Variants in MGST1 observed in about 807,000 individuals in gnomAD.
MGST1 encodes the protein microsomal glutathione S-transferase 1, also known as glutathione S-transferase 12.
A neutral mutation model predicts 8.9 loss-of-function variants in MGST1; 5 were observed. That is an observed-to-expected ratio of 0.56 (90% CI 0.29 to 1.19). The LOEUF is 1.19. MGST1 is among the 50% of genes most tolerant of loss of function. MGST1 has a pLI of 0.08. For synonymous variants in MGST1, 54 were observed against 67.8 expected, an observed-to-expected ratio of 0.80 and a Z score of 1.00; for missense variants, 182 against 187.4, an observed-to-expected ratio of 0.97 and a Z score of 0.17.
At chr12:16,556,391 C>T (rs556230645) in intron 4 of MGST1, among the ~76,000 whole-genome samples, 38 of 152,242 alleles carry the variant, frequency 2.5e-4, no homozygotes, top group African/African-American at 8.4e-4. Flanking sequence ...TTTAGCTATA[C>T]GCCTCTAAAA....
intron 1 of MGST1, among the ~76,000 whole-genome samples, chr12:16,408,161 G>A (rs1339092946): frequency 2.6e-5 from 4 of 151,718 alleles, no homozygotes; most frequent in African/African-American, 4.8e-5. Context: ...GCTAAATGAT[G>A]AGGATGCATG....
At chr12:16,470,795 CAAAT>C (rs910751306) in intron 4 of MGST1, among the ~76,000 whole-genome samples, 73 of 152,066 alleles carry the variant, frequency 4.8e-4, no homozygotes, top group African/African-American at 1.7e-3. Context: ...ATAATAAACT[CAAAT>C]AAAAAATAAG....
In MGST1 at chr12:16,482,562, T is replaced by G. The variant is rs1591741722; in HGVS notation, n.482+98958T>G. On this transcript the variant is annotated intron_variant and non_coding_transcript_variant, in intron 4 of 4. Transcript: ENST00000538857. The surrounding 1 kb of genome is among the most constrained non-coding windows in gnomAD (Gnocchi z 4.2). ...AGGAGAATTGCTTGAAACTGGGAGG[T>G]GGAGATTGCAGTGAGCCAAGATCAC... Among the ~76,000 whole-genome samples the G allele has an allele frequency of 6.8e-6, 1 of 146,538 alleles. No homozygotes were observed.
chr12:16,557,056 C>T (rs1250723841), intron 4 of MGST1, among the ~76,000 whole-genome samples: 1 of 152,096 alleles, frequency 6.6e-6, no homozygotes. Flanking sequence ...AGGAGACAGA[C>T]TTAATTGTGA....
intron 3 of MGST1, among the ~76,000 whole-genome samples, chr12:16,372,318 C>G (rs1375569067): frequency 6.6e-6 from 1 of 151,922 alleles, no homozygotes; most frequent in Non-Finnish European, 1.5e-5. Context: ...ATAAGAAGCT[C>G]AAATAACTCA....
chr12:16,590,389 T>G (rs1943453519), downstream of MGST1, among the ~76,000 whole-genome samples: 1 of 152,072 alleles, frequency 6.6e-6, no homozygotes, highest in Non-Finnish European at 1.5e-5. Flanking sequence ...CTTCTCTAAG[T>G]GCTGGATTTA....
intron 1 of MGST1, among the ~76,000 whole-genome samples, chr12:16,349,694 G>C (rs1341139465): frequency 6.6e-6 from 1 of 151,432 alleles, no homozygotes; most frequent in East Asian, 1.9e-4. Context: ...GCCAAAGTCG[G>C]AAGTTTTTTA....
downstream of MGST1, among the ~76,000 whole-genome samples, chr12:16,443,198 C>T (rs1003120783): frequency 2.0e-5 from 3 of 151,626 alleles, no homozygotes; most frequent in African/African-American, 4.8e-5. Context: ...TAAGTATTTA[C>T]TTGGAATGAT....
intron 1 of MGST1, among the ~76,000 whole-genome samples, chr12:16,409,671 T>C (rs1193669825): frequency 6.6e-6 from 1 of 152,130 alleles, no homozygotes; most frequent in African/African-American, 2.4e-5. Flanking sequence ...CAGAACAATA[T>C]CCTGTTGCTT....
At chr12:16,481,866 A>G (rs1335427245) in intron 4 of MGST1, among the ~76,000 whole-genome samples, 1 of 152,200 alleles carries the variant, frequency 6.6e-6, no homozygotes, top group Non-Finnish European at 1.5e-5. Flanking sequence ...AGAATTGAAG[A>G]AAGTCCTCAA....
In MGST1 at chr12:16,547,307, A is replaced by G. The variant is rs1033008528; in HGVS notation, n.483-42221A>G. On this transcript the variant is annotated intron_variant and non_coding_transcript_variant, in intron 4 of 4. Coordinates refer to the MGST1 transcript ENST00000538857. The surrounding 1 kb of genome is among the most constrained non-coding windows in gnomAD (Gnocchi z 4.6). The stretch of plus-strand genomic sequence containing the variant: ...ATAACCGCTATTTCAACAGAGCTCT[A>G]TTGTAATCATAGCAATCTGAGGGTG... 6.6e-6 allele frequency among the ~76,000 whole-genome samples: 1 copy of G among 152,304 alleles called. No individual in the cohort carries two copies. The highest frequency in any genetic ancestry group is 6.5e-5 in the Admixed American group (1 of 15,288).
At chr12:16,563,074 C>A (rs912828606) in intron 4 of MGST1, among the ~76,000 whole-genome samples, 4 of 152,292 alleles carry the variant, frequency 2.6e-5, no homozygotes, top group South Asian at 2.1e-4. Context: ...TCGCTGGAGG[C>A]TCCATCAGTT....
At chr12:16,445,476 C>G (rs917086010) in intron 4 of MGST1, among the ~76,000 whole-genome samples, 2 of 151,928 alleles carry the variant, frequency 1.3e-5, no homozygotes, top group Non-Finnish European at 2.9e-5. Context: ...GTCATTAATG[C>G]AACTGATCAA....
intron 4 of MGST1, among the ~76,000 whole-genome samples, chr12:16,460,168 T>C (rs927813852): frequency 3.9e-5 from 6 of 152,164 alleles, no homozygotes; most frequent in Non-Finnish European, 8.8e-5. Flanking sequence ...TATTAGAGTG[T>C]CATATGTCTG....
chr12:16,379,073 T>G (rs1051029746), downstream of MGST1, among the ~76,000 whole-genome samples: 6 of 152,126 alleles, frequency 3.9e-5, no homozygotes, highest in Admixed American at 6.5e-5. Flanking sequence ...TTTCTAGATA[T>G]ACAATCATGT....
intron 4 of MGST1, among the ~76,000 whole-genome samples, chr12:16,569,702 G>A (rs967562543): frequency 6.6e-6 from 1 of 152,062 alleles, no homozygotes; most frequent in Non-Finnish European, 1.5e-5. Flanking sequence ...TTTGTTGCTA[G>A]AATAAAAGAA....
At chr12:16,423,368 T>C (rs1178881082) in intron 1 of MGST1, among the ~76,000 whole-genome samples, 1 of 152,192 alleles carries the variant, frequency 6.6e-6, no homozygotes, top group African/African-American at 2.4e-5. Context: ...TCACAGCAAG[T>C]ATTTGATTTT....
intron 4 of MGST1, among the ~76,000 whole-genome samples, chr12:16,473,914 C>A (rs1941304234): frequency 6.6e-6 from 1 of 152,108 alleles, no homozygotes; most frequent in Non-Finnish European, 1.5e-5. Flanking sequence ...TTAAAAAAGT[C>A]TAATCACTGA....
chr12:16,495,133 T>A (rs1429169476), intron 4 of MGST1, among the ~76,000 whole-genome samples: 1 of 152,126 alleles, frequency 6.6e-6, no homozygotes, highest in Non-Finnish European at 1.5e-5. Context: ...ATGTCCAGGA[T>A]AACAAACCTC....
Sources: allele counts gnomAD v4.1 joint callset (sites outside exome capture counted in the v4.1 genomes callset), GRCh38; gene constraint gnomAD v4.1.1; non-coding constraint Gnocchi (gnomAD v3.1); transcripts MANE v1.5; gene names NCBI Gene and HGNC (gene_info 2026-07-23, HGNC 2026-07-21).